Variants in GPSM2 observed in about 807,000 individuals in gnomAD.
GPSM2 encodes G protein signaling modulator 2.
Under a neutral mutation model 78.4 loss-of-function variants are expected in GPSM2, and 58 were observed. The observed-to-expected ratio is 0.74, with a 90% confidence interval of 0.60 to 0.92. The LOEUF (loss-of-function observed/expected upper bound fraction) is 0.92. Among genes scored for constraint, GPSM2 ranks in the 40% least tolerant of loss-of-function variants. GPSM2 has a pLI of 0.00. For synonymous variants in GPSM2, 224 were observed against 280.2 expected, an observed-to-expected ratio of 0.80 and a Z score of 2.00; for missense variants, 700 against 815.5, an observed-to-expected ratio of 0.86 and a Z score of 1.73.
Position 108,931,500 on chromosome 1 carries a change from G to A in GPSM2, c.*1560G>A, listed in dbSNP as rs1222474016. 6.5e-7 allele frequency: 1 copy of A among 1,548,312 alleles called. No individual in the cohort carries two copies. The highest frequency in any genetic ancestry group is 8.7e-7 in the Non-Finnish European group (1 of 1,145,932). On this transcript the variant is annotated 3_prime_UTR_variant, in exon 15 of 15. Coordinates refer to ENST00000264126, the MANE Select transcript of GPSM2 (RefSeq NM_013296.5). ...ACTGTGCACAGCTGGGATGGGATCT[G>A]GGGATGTGGACCCCTATTCTTTCAA...
Position 108,931,324 on chromosome 1 carries a change from A to T in GPSM2, c.*1384A>T. On this transcript the variant is annotated 3_prime_UTR_variant, in exon 15 of 15. Coordinates refer to ENST00000264126, the MANE Select transcript of GPSM2 (RefSeq NM_013296.5). ...CTTCCTTATCCCAGATATTGAAGGC[A>T]GTTTACAAGGGGATGATAACAAAGT... The T allele has an allele frequency of 6.5e-7, 1 of 1,548,064 alleles. No homozygotes were observed. Among genetic ancestry groups the T allele is most frequent in the Non-Finnish European group, 8.7e-7 (1 of 1,145,410 alleles).
Position 108,924,090 on chromosome 1 carries a change from C to CTAG in GPSM2, c.1693_1695dup (p.Ser565dup), listed in dbSNP as rs1169367532. On this transcript the variant is annotated inframe_insertion, in exon 14 of 15. Coordinates refer to ENST00000264126, the MANE Select transcript of GPSM2 (RefSeq NM_013296.5). ...AGTCGCCGTCTGGATGACCAGAGGG[C>CTAG]TAGTTTCAGTAATTTGCCAGGGCTT... is the stretch of plus-strand genomic sequence containing the variant. The CTAG allele has an allele frequency of 6.2e-7, 1 of 1,613,094 alleles. No homozygotes were observed. The highest frequency in any genetic ancestry group is 8.5e-7 in the Non-Finnish European group (1 of 1,179,224).
chr1:108,901,067 A>T (rs992747268), intron 7 of GPSM2, among the ~76,000 whole-genome samples: 4 of 152,248 alleles, frequency 2.6e-5, no homozygotes, highest in African/African-American at 9.6e-5. Flanking sequence ...ATACATATTA[A>T]TTTAATCCTC....
chr1:108,909,347 T>G (rs972166173), intron 10 of GPSM2, among the ~76,000 whole-genome samples: 7 of 152,138 alleles, frequency 4.6e-5, no homozygotes, highest in African/African-American at 1.7e-4. Context: ...AAACTGACAA[T>G]AAAGCAAATC....
At position 108,932,268 on chromosome 1, in the gene GPSM2, T is replaced by C. The variant is rs1263142864; in HGVS notation, c.*2328T>C. On this transcript the variant is annotated 3_prime_UTR_variant, in exon 15 of 15. Transcript: ENST00000264126. ...CAGCCTGGGTGACAGAGCAAAACTC[T>C]CAAAAAAAAGTAAAATTTCAAAAAA... 6.6e-6 allele frequency: 1 copy of C among 151,998 alleles called. No individual in the cohort carries two copies. The highest frequency in any genetic ancestry group is 1.5e-5 in the Non-Finnish European group (1 of 67,998). The allele number at this position is 151,998 out of a possible 1,614,324, so 9.4% of individuals were successfully genotyped here. A position where few individuals can be genotyped will look rare whatever the true frequency, so the allele number is the denominator to read the frequency against.
intron 10 of GPSM2, among the ~76,000 whole-genome samples, chr1:108,910,841 C>T (rs980796692): frequency 4.7e-5 from 7 of 148,704 alleles, no homozygotes; most frequent in African/African-American, 1.5e-4. Flanking sequence ...CCAGCCTGGG[C>T]GACAGAGAGA....
intron 14 of GPSM2, 32 bp from the exon 15 acceptor site, chr1:108,929,669 T>C (rs1444564160): frequency 1.2e-6 from 2 of 1,605,998 alleles, no homozygotes; most frequent in Non-Finnish European, 1.7e-6. Context: ...TTTCCCACAG[T>C]ATGTCTTTTA....
chr1:108,922,598 C>A, intron 13 of GPSM2, 22 bp downstream of exon 13: 1 of 1,580,174 alleles, frequency 6.3e-7, no homozygotes, highest in South Asian at 1.1e-5. Context: ...CTGTTTCTCC[C>A]CCGATTTTAA....
chr1:108,912,577 TA>T (rs34266985), intron 10 of GPSM2, among the ~76,000 whole-genome samples: 15,362 of 108,652 alleles, frequency 0.14, 929 homozygotes, highest in African/African-American at 0.19. Context: ...CCTGTCTGTA[TA>T]AAAAAAAAAA....
Position 108,885,484 on chromosome 1 carries a change from T to C in GPSM2, c.-39T>C, listed in dbSNP as rs1647458944. 8.5e-7 allele frequency: 1 copy of C among 1,171,022 alleles called. No individual in the cohort carries two copies. The highest frequency in any genetic ancestry group is 1.3e-6 in the Non-Finnish European group (1 of 778,980). The allele number at this position is 1,171,022 out of a possible 1,614,324, so 72.5% of individuals were successfully genotyped here. A position where few individuals can be genotyped will look rare whatever the true frequency, so the allele number is the denominator to read the frequency against. ...TGTAAAGGACTGGATTGGCACAAAA[T>C]AAAATAATTTTATTTTATTCAGCTT... On this transcript the variant is annotated 5_prime_UTR_variant, in exon 2 of 15. An upstream open reading frame in the 5' UTR loses its in-frame stop. Transcript: ENST00000264126.
intron 13 of GPSM2, among the ~76,000 whole-genome samples, chr1:108,923,181 C>T (rs1650860207): frequency 6.6e-6 from 1 of 151,934 alleles, no homozygotes; most frequent in Non-Finnish European, 1.5e-5. Context: ...TACAGGCACA[C>T]ACCACCATGC....
intron 12 of GPSM2, among the ~76,000 whole-genome samples, chr1:108,921,416 C>CA (rs11312751): frequency 3.4e-5 from 5 of 147,240 alleles, no homozygotes; most frequent in African/African-American, 1.2e-4. Flanking sequence ...CGAGACTCCT[C>CA]AAAAAAAAAA....
intron 2 of GPSM2, among the ~76,000 whole-genome samples, chr1:108,891,306 C>T (rs1438115359): frequency 6.6e-6 from 1 of 152,092 alleles, no homozygotes; most frequent in African/African-American, 2.4e-5. Context: ...TTTGTTAGCT[C>T]AATGTAGTTG....
chr1:108,881,394 ATT>A (rs1469250762), intron 1 of GPSM2, among the ~76,000 whole-genome samples: 1 of 152,132 alleles, frequency 6.6e-6, no homozygotes, highest in Non-Finnish European at 1.5e-5. Context: ...CTGTGATTAA[ATT>A]TTCTTATCCT....
At chr1:108,912,148 T>C (rs996544454) in intron 10 of GPSM2, among the ~76,000 whole-genome samples, 2 of 152,130 alleles carry the variant, frequency 1.3e-5, no homozygotes, top group African/African-American at 4.8e-5. Flanking sequence ...CTCAAATTGA[T>C]AAAAATTAAG....
chr1:108,883,290 A>G (rs1165080522), intron 1 of GPSM2, among the ~76,000 whole-genome samples: 2 of 152,192 alleles, frequency 1.3e-5, no homozygotes, highest in African/African-American at 4.8e-5. Flanking sequence ...GCTGTACTTA[A>G]TTAACAGAGC....
Position 108,931,467 on chromosome 1 carries a change from TGCTTCAGACTGTGCACA to T in GPSM2, c.*1531_*1547del. The T allele has an allele frequency of 6.4e-7, 1 of 1,550,764 alleles. No individual in the cohort carries two copies. Among genetic ancestry groups the T allele is most frequent in the Non-Finnish European group, 8.7e-7 (1 of 1,147,036 alleles). ...AGTTGCCAACTTGTTTCACTCTGCTTGCTTCAGACTGTGCACAGCTGGGATGGGATCTGGGGATGTGG... is the reference window on the plus strand; with the variant it reads ...AGTTGCCAACTTGTTTCACTCTGCTTGCTGGGATGGGATCTGGGGATGTGG... On this transcript the variant is annotated 3_prime_UTR_variant, in exon 15 of 15. Transcript: ENST00000264126.
intron 12 of GPSM2, among the ~76,000 whole-genome samples, chr1:108,919,169 G>A (rs1027185673): frequency 6.6e-6 from 1 of 151,914 alleles, no homozygotes; most frequent in Non-Finnish European, 1.5e-5. Context: ...CACCATGCCC[G>A]GCTAATTTTT....
intron 10 of GPSM2, among the ~76,000 whole-genome samples, chr1:108,911,645 G>A (rs1005253555): frequency 5.3e-5 from 8 of 152,152 alleles, no homozygotes; most frequent in Admixed American, 5.2e-4. Context: ...TGCATTAAAT[G>A]TGTCTGGGCT....
Sources: allele counts gnomAD v4.1 joint callset (sites outside exome capture counted in the v4.1 genomes callset), GRCh38; gene constraint gnomAD v4.1.1; transcripts MANE v1.5; gene names NCBI Gene and HGNC (gene_info 2026-07-23, HGNC 2026-07-21).